BCL2L13: variants seen among roughly 807,000 people sequenced by gnomAD.
The protein encoded by BCL2L13 is BCL2 like 13.
In BCL2L13, 13 loss-of-function variants were observed where a neutral mutation model predicts 25.8. The observed-to-expected ratio is 0.50, with a 90% confidence interval of 0.33 to 0.80. BCL2L13 has a LOEUF of 0.80. Ranked by LOEUF, BCL2L13 falls within the 30% of genes least tolerant of loss-of-function variation. The probability of loss-of-function intolerance (pLI) is 0.02; values close to 1 mark genes in which losing one functional copy is unlikely to be tolerated. For missense variants in BCL2L13, 504 were observed against 574.9 expected, an observed-to-expected ratio of 0.88 and a Z score of 1.26; for synonymous variants, 244 against 230.3, an observed-to-expected ratio of 1.06 and a Z score of -0.54.
chr22:17,649,551 G>C (rs965068790), intron 1 of BCL2L13, among the ~76,000 whole-genome samples: 13 of 151,894 alleles, frequency 8.6e-5, no homozygotes, highest in Admixed American at 3.3e-4. Flanking sequence ...CGCCCAGGCT[G>C]TAGGGCAGTG....
intron 2 of BCL2L13, among the ~76,000 whole-genome samples, chr22:17,681,666 C>T (rs1237647691): frequency 6.6e-6 from 1 of 152,002 alleles, no homozygotes; most frequent in Non-Finnish European, 1.5e-5. Context: ...TCTCAAAAAG[C>T]CCAAGAACAA....
intron 2 of BCL2L13, among the ~76,000 whole-genome samples, chr22:17,657,371 T>A (rs1339936534): frequency 2.2e-5 from 1 of 46,250 alleles, no homozygotes; most frequent in Non-Finnish European, 4.9e-5. Context: ...TCTTCTCTAC[T>A]TAACTCTACT....
At chr22:17,706,333 T>G (rs570486851) in intron 6 of BCL2L13, among the ~76,000 whole-genome samples, 1 of 151,844 alleles carries the variant, frequency 6.6e-6, no homozygotes, top group Non-Finnish European at 1.5e-5. Flanking sequence ...TACCTTGTTT[T>G]TTTTTTTTTT....
chr22:17,644,478 C>G (rs566773916), intron 1 of BCL2L13, among the ~76,000 whole-genome samples: 3 of 150,678 alleles, frequency 2.0e-5, no homozygotes, highest in Non-Finnish European at 2.9e-5. Flanking sequence ...ACTACAAGTG[C>G]GTGCCACCAC....
rs76289970 is a variant in BCL2L13 at position 17,725,649 on chromosome 22, C to T, written c.601-1028C>T. On this transcript the variant is annotated intron_variant, in intron 6 of 6. Coordinates refer to ENST00000317582, the MANE Select transcript of BCL2L13 (RefSeq NM_015367.4). ...CCTACTAAGTGATAAATTCCTTGAGCACAAGGTCTTGCCTTTGTTTTCTCT... is the reference window on the plus strand; with the variant it reads ...CCTACTAAGTGATAAATTCCTTGAGTACAAGGTCTTGCCTTTGTTTTCTCT... Among the ~76,000 whole-genome samples, 1,119 of 152,272 alleles carry T rather than the reference C, an allele frequency of 7.3e-3. 7 individuals are homozygous for T. The highest frequency in any genetic ancestry group is 0.026 in the African/African-American group (1,066 of 41,546).
intron 6 of BCL2L13, among the ~76,000 whole-genome samples, chr22:17,705,267 CT>C (rs1183484425): frequency 6.6e-6 from 1 of 151,270 alleles, no homozygotes; most frequent in Non-Finnish European, 1.5e-5. Context: ...GAGCGAAACT[CT>C]GTATCAAACA....
chr22:17,721,922 A>T (rs2145823618), intron 6 of BCL2L13, among the ~76,000 whole-genome samples: 1 of 151,490 alleles, frequency 6.6e-6, no homozygotes, highest in African/African-American at 2.4e-5. Context: ...GGCCTCCCAA[A>T]GTGCTGGGAT....
chr22:17,666,439 T>C (rs2059236950), intron 2 of BCL2L13, among the ~76,000 whole-genome samples: 1 of 152,046 alleles, frequency 6.6e-6, no homozygotes, highest in Non-Finnish European at 1.5e-5. Context: ...TCATTATTTA[T>C]TTATTTATTT....
chr22:17,724,352 G>A (rs2061236737), intron 6 of BCL2L13, among the ~76,000 whole-genome samples: 1 of 152,194 alleles, frequency 6.6e-6, no homozygotes, highest in Non-Finnish European at 1.5e-5. Context: ...AAAAGTTTAA[G>A]CAAGGTATCC....
rs1252179152 is a variant in BCL2L13 at position 17,683,148 on chromosome 22, A to G, written c.122-66A>G. 11 of 876,264 alleles carry G rather than the reference A, an allele frequency of 1.3e-5. No individual in the cohort carries two copies. In the South Asian group the frequency reaches 1.5e-4, roughly 12 times the overall value. 54.3% of individuals were successfully genotyped at this position (876,264 alleles called of 1,614,324 possible). A position where few individuals can be genotyped will look rare whatever the true frequency, so the allele number is the denominator to read the frequency against. On this transcript the variant is annotated intron_variant, in intron 2 of 6. Coordinates refer to ENST00000317582, the MANE Select transcript of BCL2L13 (RefSeq NM_015367.4). ...ACTCCGTCTCAAAAAAAAAAAAAAA[A>G]GTGCTATTATATTCTAATGGTTTCT...
At chr22:17,676,517 C>T (rs2059580340) in intron 2 of BCL2L13, among the ~76,000 whole-genome samples, 1 of 152,056 alleles carries the variant, frequency 6.6e-6, no homozygotes, top group Non-Finnish European at 1.5e-5. Context: ...TTTCCTTGCC[C>T]AAGTGAAGAG....
chr22:17,663,683 CTTTTTTT>C lies in BCL2L13; in HGVS notation c.121+7863_121+7869del, dbSNP rs61709181. On this transcript the variant is annotated intron_variant, in intron 2 of 6. Coordinates refer to ENST00000317582, the MANE Select transcript of BCL2L13 (RefSeq NM_015367.4). ...TTTATTATTATCTTTTACATTTTTC[CTTTTTTT>C]TTTTTTTTTTTGAGATGGAGTCTCG... 6.5e-5 allele frequency among the ~76,000 whole-genome samples: 7 copies of C among 107,468 alleles called. No individual in the cohort carries two copies. In the South Asian group the frequency reaches 2.1e-3, roughly 32 times the overall value. 70.5% of individuals were successfully genotyped at this position (107,468 alleles called of 152,430 possible).
chr22:17,648,973 C>T (rs551983471), intron 1 of BCL2L13, among the ~76,000 whole-genome samples: 71 of 152,244 alleles, frequency 4.7e-4, no homozygotes, highest in Admixed American at 2.0e-4. Flanking sequence ...GTTACCCTGT[C>T]GCTCAGGCTG....
In BCL2L13 at chr22:17,727,214, C is replaced by T. The variant is rs2061322471; in HGVS notation, c.1138C>T (p.Leu380Phe). Residue 380 changes from leucine (L) to phenylalanine (F), a missense_variant, in exon 7 of 7, where the codon CTT (leucine) becomes TTT (phenylalanine). Leu to Phe is a conservative substitution (Grantham distance 22). Transcript: ENST00000317582. ...CCCTGCTACATCTCTGTTTGTAGAA[C>T]TTGATGAAGAAGAGGTGAAAGCAGC... is the stretch of plus-strand genomic sequence containing the variant. ...SSPATSLFVE[L>F]DEEEVKAATT... The T allele has an allele frequency of 1.2e-6, 2 of 1,614,218 alleles. No individual in the cohort carries two copies. The highest frequency in any genetic ancestry group is 1.7e-6 in the Non-Finnish European group (2 of 1,180,042).
intron 4 of BCL2L13, chr22:17,692,475 T>G (rs550332135): frequency 3.9e-5 from 6 of 152,342 alleles, no homozygotes; most frequent in South Asian, 2.1e-4. Flanking sequence ...AAGTAAAGCT[T>G]CAGGGAAACT....
At chr22:17,673,200 T>C (rs770336413) in intron 2 of BCL2L13, among the ~76,000 whole-genome samples, 2 of 152,148 alleles carry the variant, frequency 1.3e-5, no homozygotes, top group Non-Finnish European at 2.9e-5. Context: ...CTCATAAGTA[T>C]GCAAGTAATA....
intron 5 of BCL2L13, among the ~76,000 whole-genome samples, chr22:17,700,158 G>A (rs1179464708): frequency 6.6e-6 from 1 of 152,068 alleles, no homozygotes; most frequent in African/African-American, 2.4e-5. Flanking sequence ...TACTGGAATA[G>A]GGAAGATCCA....
At chr22:17,636,623 T>C (rs555875917), upstream of BCL2L13, among the ~76,000 whole-genome samples, 5 of 151,772 alleles carry the variant, frequency 3.3e-5, no homozygotes, top group Admixed American at 2.6e-4. Flanking sequence ...ACCCTATCTC[T>C]ACTAAGAATA....
At chr22:17,693,361 A>AGTGTTTG (rs1437219483) in intron 4 of BCL2L13, among the ~76,000 whole-genome samples, 37 of 78,866 alleles carry the variant, frequency 4.7e-4, no homozygotes, top group African/African-American at 9.7e-4. Flanking sequence ...TTATTTATTT[A>AGTGTTTG]TTTAGTGTTT....
Sources: allele counts gnomAD v4.1 joint callset (sites outside exome capture counted in the v4.1 genomes callset), GRCh38; gene constraint gnomAD v4.1.1; transcripts MANE v1.5; gene names NCBI Gene and HGNC (gene_info 2026-07-23, HGNC 2026-07-21).